BMPR1B: variants seen among roughly 807,000 people sequenced by gnomAD.
BMPR1B encodes bone morphogenetic protein receptor type-1B.
A neutral mutation model predicts 59.1 loss-of-function variants in BMPR1B; 12 were observed. The observed-to-expected ratio is 0.20, with a 90% CI of 0.13 to 0.33. BMPR1B has a LOEUF of 0.33. Among genes scored for constraint, BMPR1B ranks in the 10% least tolerant of loss-of-function variants. The pLI is 1.00. For synonymous variants in BMPR1B, 237 were observed against 207.3 expected (o/e 1.14, Z -1.23); for missense variants, 550 against 610.9 (o/e 0.90, Z 1.05).
At chr4:95,012,963 A>G (rs1723327343) in intron 3 of BMPR1B, among the ~76,000 whole-genome samples, 1 of 152,190 alleles carries the variant, frequency 6.6e-6, no homozygotes. Context: ...AATCATTTTT[A>G]AGAGAGTTCC....
intron 3 of BMPR1B, among the ~76,000 whole-genome samples, chr4:95,055,083 C>G (rs760056869): frequency 2.0e-5 from 3 of 152,048 alleles, no homozygotes; most frequent in Non-Finnish European, 4.4e-5. Context: ...AAGTAGAAAT[C>G]CACTCCCTTG....
At position 95,157,161 on chromosome 4, in the gene BMPR1B, G is replaced by T. The variant is rs1293759585; in HGVS notation, c.*2488G>T. 1 of 151,960 alleles carries T rather than the reference G, an allele frequency of 6.6e-6. No individual in the cohort carries two copies. The highest frequency in any genetic ancestry group is 1.5e-5 in the Non-Finnish European group (1 of 67,952). The allele number at this position is 151,960 out of a possible 1,614,324, so 9.4% of individuals were successfully genotyped here. On this transcript the variant is annotated 3_prime_UTR_variant, in exon 13 of 13. Coordinates refer to ENST00000515059, the MANE Select transcript of BMPR1B (RefSeq NM_001203.3). ...TCAAACTTCTTCCTTATTATATTTG[G>T]TTGCTTTGGAAAAGATTGGTCCTAT...
In BMPR1B at chr4:94,846,325, G is replaced by A. The variant is rs149384033; in HGVS notation, c.-182-29506G>A. Among the ~76,000 whole-genome samples, 105 of 152,260 alleles carry A rather than the reference G, an allele frequency of 6.9e-4. No homozygotes were observed. In the East Asian group the frequency reaches 0.015, roughly 22 times the overall value. On this transcript the variant is annotated intron_variant, in intron 1 of 12. Transcript: ENST00000515059. ...ATATGATGGTTAGTTAATACTGAGG[G>A]TCAACTTGATTGGATTGAAGGATAC...
At chr4:94,779,331 T>C (rs1418399319) in intron 1 of BMPR1B, among the ~76,000 whole-genome samples, 2 of 152,182 alleles carry the variant, frequency 1.3e-5, no homozygotes, top group Non-Finnish European at 2.9e-5. Flanking sequence ...TACACACATA[T>C]GAGGGCCTGT....
At chr4:94,863,083 T>C (rs1354651779) in intron 1 of BMPR1B, among the ~76,000 whole-genome samples, 2 of 151,924 alleles carry the variant, frequency 1.3e-5, no homozygotes, top group African/African-American at 4.8e-5. Context: ...GCCACTGCAC[T>C]CCAGCCTGGG....
At chr4:94,936,648 T>G (rs1211509854) in intron 2 of BMPR1B, among the ~76,000 whole-genome samples, 1 of 152,182 alleles carries the variant, frequency 6.6e-6, no homozygotes, top group Non-Finnish European at 1.5e-5. Context: ...TGTTTCTTCT[T>G]GTTGATACTT....
intron 3 of BMPR1B, among the ~76,000 whole-genome samples, chr4:95,073,702 A>G (rs894914458): frequency 6.6e-6 from 1 of 152,200 alleles, no homozygotes; most frequent in African/African-American, 2.4e-5. Flanking sequence ...GCCTTTCAAT[A>G]AACATCTAAT....
Position 95,154,808 on chromosome 4 carries a change from TCAC to T in BMPR1B, c.*137_*139del. The T allele has an allele frequency of 1.5e-6, 2 of 1,329,662 alleles. No homozygotes were observed. The highest frequency in any genetic ancestry group is 2.5e-5 in the South Asian group (2 of 80,000). The allele number at this position is 1,329,662 out of a possible 1,614,324, so 82.4% of individuals were successfully genotyped here. A position where few individuals can be genotyped will look rare whatever the true frequency, so the allele number is the denominator to read the frequency against. ...TCCTGCTTCCCAGTGGGTTCAGACC[TCAC>T]CTCTCAGGGAGCGACCTGGGCAAAG... On this transcript the variant is annotated 3_prime_UTR_variant, in exon 13 of 13. Coordinates refer to ENST00000515059, the MANE Select transcript of BMPR1B (RefSeq NM_001203.3).
chr4:94,979,592 C>A (rs1731157507), intron 2 of BMPR1B, among the ~76,000 whole-genome samples: 1 of 152,272 alleles, frequency 6.6e-6, no homozygotes, highest in East Asian at 1.9e-4. Context: ...AAAAATATCC[C>A]TTTAAAGTGA....
intron 2 of BMPR1B, among the ~76,000 whole-genome samples, chr4:94,970,591 G>A (rs138783191): frequency 0.038 from 5,712 of 152,192 alleles, 365 homozygotes; most frequent in African/African-American, 0.13. Flanking sequence ...GGGATTACAG[G>A]CATGAACCAC....
At chr4:95,055,982 A>C (rs1726899866) in intron 3 of BMPR1B, among the ~76,000 whole-genome samples, 4 of 152,228 alleles carry the variant, frequency 2.6e-5, no homozygotes, top group Admixed American at 2.6e-4. Context: ...TTATTGATTT[A>C]GAATTGCCAG....
chr4:95,071,994 A>G (rs766966824), intron 3 of BMPR1B, among the ~76,000 whole-genome samples: 8 of 152,014 alleles, frequency 5.3e-5, no homozygotes, highest in Non-Finnish European at 8.8e-5. Context: ...TCTGGAGGCT[A>G]ACAAGTCCCA....
chr4:94,938,237 G>A (rs966920841), intron 2 of BMPR1B, among the ~76,000 whole-genome samples: 2 of 152,088 alleles, frequency 1.3e-5, no homozygotes, highest in African/African-American at 2.4e-5. Flanking sequence ...GTACTAGTGG[G>A]AGAAATAAGA....
chr4:95,005,684 G>C (rs895905255), intron 3 of BMPR1B, among the ~76,000 whole-genome samples: 2 of 151,606 alleles, frequency 1.3e-5, no homozygotes, highest in Admixed American at 6.6e-5. Context: ...TTGCATCTCA[G>C]CAAGTTTCTG....
In BMPR1B at chr4:95,156,869, A is replaced by T. The variant is rs1034457955; in HGVS notation, c.*2196A>T. The T allele has an allele frequency of 2.6e-5, 4 of 152,330 alleles. No individual in the cohort carries two copies. The highest frequency in any genetic ancestry group is 9.6e-5 in the African/African-American group (4 of 41,586). The allele number at this position is 152,330 out of a possible 1,614,324, so 9.4% of individuals were successfully genotyped here. On this transcript the variant is annotated 3_prime_UTR_variant, in exon 13 of 13. Transcript: ENST00000515059. ...CATCTGAGCCTTGAAGAGAAACTTCAGTGCCTCTAAACAGATCATCTACAA... is the reference window on the plus strand; with the variant it reads ...CATCTGAGCCTTGAAGAGAAACTTCTGTGCCTCTAAACAGATCATCTACAA...
intron 1 of BMPR1B, among the ~76,000 whole-genome samples, chr4:94,795,585 T>A (rs982710594): frequency 6.6e-6 from 1 of 152,158 alleles, no homozygotes; most frequent in Non-Finnish European, 1.5e-5. Context: ...TGCCTCAGCC[T>A]CCTGAGTGGC....
chr4:94,857,191 A>T (rs1211929387), intron 1 of BMPR1B, among the ~76,000 whole-genome samples: 1 of 152,194 alleles, frequency 6.6e-6, no homozygotes, highest in Non-Finnish European at 1.5e-5. Context: ...TAAAATATGA[A>T]AAAAAGGCCT....
chr4:94,805,045 T>C (rs1441924107), intron 1 of BMPR1B, among the ~76,000 whole-genome samples: 1 of 152,232 alleles, frequency 6.6e-6, no homozygotes, highest in Admixed American at 6.5e-5. Flanking sequence ...AGAGTTCTTC[T>C]ATGATCTATA....
chr4:95,022,051 G>C, intron 3 of BMPR1B, among the ~76,000 whole-genome samples: 1 of 152,146 alleles, frequency 6.6e-6, no homozygotes, highest in South Asian at 2.1e-4. Context: ...GAAATAGGAC[G>C]GGCGCAGTGG....
Sources: allele counts gnomAD v4.1 joint callset (sites outside exome capture counted in the v4.1 genomes callset), GRCh38; gene constraint gnomAD v4.1.1; transcripts MANE v1.5; gene names NCBI Gene and HGNC (gene_info 2026-07-23, HGNC 2026-07-21).